USP6NL: variants seen among roughly 807,000 people sequenced by gnomAD.
The protein encoded by USP6NL is USP6 N-terminal like, also known as USP6 N-terminal-like protein.
A neutral mutation model predicts 61.9 loss-of-function variants in USP6NL; 26 were observed. The ratio of observed to expected loss-of-function variants is 0.42; its 90% confidence interval spans 0.31 to 0.58. The LOEUF (loss-of-function observed/expected upper bound fraction) is 0.58, where lower values mean the gene tolerates loss of function less well. USP6NL is among the 20% of genes least tolerant of loss of function. The pLI is 0.16. For synonymous variants in USP6NL, 432 were observed against 390.1 expected (o/e 1.11, Z -1.27); for missense variants, 1,114 against 1,034.3 (o/e 1.08, Z -1.06).
In USP6NL at chr10:11,525,564, G is replaced by C. The variant is rs1009369648; in HGVS notation, c.73-96C>G. On this transcript the variant is annotated intron_variant, in intron 3 of 14. Coordinates refer to ENST00000609104, the MANE Select transcript of USP6NL (RefSeq NM_014688.5). This position sits in a 1 kb window ranked among gnomAD's most constrained non-coding sequence, Gnocchi z 5.0. ...CGAAGAAATAAGAGCTATTTTTAAT[G>C]TATTACTAAAAATAAGAGCTGGAAG... 6.1e-5 allele frequency: 66 copies of C among 1,074,430 alleles called. 1 individual carries two copies. Among genetic ancestry groups the C allele is most frequent in the East Asian group, 3.6e-4 (12 of 33,622 alleles). The allele number at this position is 1,074,430 out of a possible 1,614,324, so 66.6% of individuals were successfully genotyped here.
chr10:11,582,708 A>T (rs1837821942), intron 2 of USP6NL, among the ~76,000 whole-genome samples: 1 of 152,184 alleles, frequency 6.6e-6, no homozygotes, highest in South Asian at 2.1e-4. Context: ...ATATTTTATC[A>T]AATGATAATT....
Position 11,470,413 on chromosome 10 carries a change from A to C in USP6NL, c.1079-6564T>G, listed in dbSNP as rs1395594275. 6.6e-6 allele frequency among the ~76,000 whole-genome samples: 1 copy of C among 152,230 alleles called. No homozygotes were observed. Among genetic ancestry groups the C allele is most frequent in the African/African-American group, 2.4e-5 (1 of 41,460 alleles). ...AGAGGAAAATCTCCTTGACTTCATT[A>C]CAGAGGCGGTTCCTTTCTAGAGATT... On this transcript the variant is annotated intron_variant, in intron 14 of 14. Coordinates refer to ENST00000609104, the MANE Select transcript of USP6NL (RefSeq NM_014688.5). This position sits in a 1 kb window ranked among gnomAD's most constrained non-coding sequence, Gnocchi z 5.4.
At chr10:11,586,118 G>C (rs1380253861) in intron 2 of USP6NL, among the ~76,000 whole-genome samples, 1 of 152,148 alleles carries the variant, frequency 6.6e-6, no homozygotes, top group African/African-American at 2.4e-5. Flanking sequence ...ATCCTGTCTA[G>C]AAATCAAATA....
Position 11,520,456 on chromosome 10 carries a change from G to A in USP6NL, c.156-1882C>T, listed in dbSNP as rs1258205705. On this transcript the variant is annotated intron_variant, in intron 4 of 14. Transcript: ENST00000609104. The surrounding 1 kb of genome is among the most constrained non-coding windows in gnomAD (Gnocchi z 5.2). ...TTCACACCCTTCCGAGGATGACACT[G>A]CTGCTGCTTACCAAGAGCTCCCTGT... Among the ~76,000 whole-genome samples, 1 of 152,200 alleles carries A rather than the reference G, an allele frequency of 6.6e-6. No individual in the cohort carries two copies. Among genetic ancestry groups the A allele is most frequent in the East Asian group, 1.9e-4 (1 of 5,200 alleles).
chr10:11,472,143 C>T (rs1385288027), intron 14 of USP6NL, among the ~76,000 whole-genome samples: 1 of 152,054 alleles, frequency 6.6e-6, no homozygotes, highest in Non-Finnish European at 1.5e-5. Flanking sequence ...ATCGCTTCAA[C>T]AAAAAGGAAT....
At chr10:11,473,406 T>C (rs1404631975) in intron 14 of USP6NL, among the ~76,000 whole-genome samples, 1 of 152,006 alleles carries the variant, frequency 6.6e-6, no homozygotes, top group African/African-American at 2.4e-5. Context: ...AAAACACAGG[T>C]GCAGGTGATC....
chr10:11,556,998 G>A (rs991172135), intron 2 of USP6NL, among the ~76,000 whole-genome samples: 3 of 152,102 alleles, frequency 2.0e-5, no homozygotes, highest in African/African-American at 4.8e-5. Context: ...CTTCGCTTTG[G>A]ATCACAGAGA....
In USP6NL at chr10:11,463,784, C is replaced by T. The variant is rs757614959; in HGVS notation, c.1144G>A (p.Val382Ile). 20 of 1,510,198 alleles carry T rather than the reference C, an allele frequency of 1.3e-5. No homozygotes were observed. Among genetic ancestry groups the T allele is most frequent in the South Asian group, 2.7e-5 (2 of 75,448 alleles). 93.5% of individuals were successfully genotyped at this position (1,510,198 alleles called of 1,614,324 possible). Residue 382 changes from valine (V) to isoleucine (I), a missense_variant, in exon 15 of 15, where the codon GTC (valine) becomes ATC (isoleucine). Transcript: ENST00000609104. This position sits in a 1 kb window ranked among gnomAD's most constrained non-coding sequence, Gnocchi z 6.3. ...CTCTGTCCGTTGCTCAAGTGATGGA[C>T]GCCCCAAGACTGAAGTTCAGGTGGA... ...QLPPELQSWG[V>I]HHLSNGQRSV...
At position 11,537,065 on chromosome 10, in the gene USP6NL, C is replaced by T. The variant is rs1316251511; in HGVS notation, c.5-9498G>A. ...CCAGATTTTCTCTTCAGAAGAGCCA[C>T]ACAAGTTCCATACATATCTTCATAT... On this transcript the variant is annotated intron_variant, in intron 2 of 14. Transcript: ENST00000609104. This position sits in a 1 kb window ranked among gnomAD's most constrained non-coding sequence, Gnocchi z 5.1. 6.6e-6 allele frequency among the ~76,000 whole-genome samples: 1 copy of T among 152,174 alleles called. No homozygotes were observed. The highest frequency in any genetic ancestry group is 1.5e-5 in the Non-Finnish European group (1 of 68,040).
intron 6 of USP6NL, 31 bp from the exon 7 acceptor site, chr10:11,501,239 C>A: frequency 6.4e-7 from 1 of 1,551,918 alleles, no homozygotes. Context: ...CTGAAGGTTA[C>A]AAACTGAAAA....
chr10:11,588,626 T>G (rs1461697150), intron 2 of USP6NL, among the ~76,000 whole-genome samples: 3 of 152,056 alleles, frequency 2.0e-5, no homozygotes, highest in African/African-American at 7.2e-5. Flanking sequence ...AAAAAAATAA[T>G]GAAGGAAAAC....
At chr10:11,539,723 A>G (rs1835975553) in intron 2 of USP6NL, among the ~76,000 whole-genome samples, 1 of 152,220 alleles carries the variant, frequency 6.6e-6, no homozygotes, top group Non-Finnish European at 1.5e-5. Context: ...CAGCAGTATG[A>G]TTGTTTTAAC....
At chr10:11,466,934 T>C (rs1196822837) in intron 14 of USP6NL, among the ~76,000 whole-genome samples, 1 of 152,244 alleles carries the variant, frequency 6.6e-6, no homozygotes, top group Non-Finnish European at 1.5e-5. Context: ...TGCAGTCCAC[T>C]GTTGACCGAA....
chr10:11,506,062 G>A (rs1186164567), intron 6 of USP6NL, among the ~76,000 whole-genome samples: 2 of 152,122 alleles, frequency 1.3e-5, no homozygotes, highest in Non-Finnish European at 2.9e-5. Flanking sequence ...ATAAAAGATG[G>A]TACAGTTAAA....
chr10:11,610,039 C>T (rs763546884), intron 1 of USP6NL, among the ~76,000 whole-genome samples: 4 of 152,138 alleles, frequency 2.6e-5, no homozygotes, highest in Non-Finnish European at 5.9e-5. Flanking sequence ...AAGGATGTTT[C>T]TTTGAGTGCC....
Position 11,596,881 on chromosome 10 carries a change from T to C in USP6NL, c.4+750A>G, listed in dbSNP as rs148701253. Among the ~76,000 whole-genome samples the C allele has an allele frequency of 5.3e-5, 8 of 152,250 alleles. No homozygotes were observed. The East Asian group carries it at 7.7e-4, about 15-fold the overall frequency. On this transcript the variant is annotated intron_variant, in intron 2 of 14. Coordinates refer to ENST00000609104, the MANE Select transcript of USP6NL (RefSeq NM_014688.5). This position sits in a 1 kb window ranked among gnomAD's most constrained non-coding sequence, Gnocchi z 4.1. ...TTCATATTAAGGTAAATATAATCAA[T>C]ACAAATACTATGTGAAAAACATTTA... is the stretch of plus-strand genomic sequence containing the variant.
chr10:11,566,206 G>A (rs988431854), intron 2 of USP6NL, among the ~76,000 whole-genome samples: 1 of 152,188 alleles, frequency 6.6e-6, no homozygotes, highest in African/African-American at 2.4e-5. Flanking sequence ...TTTTAAGCTA[G>A]AGTGTGTGGC....
intron 2 of USP6NL, among the ~76,000 whole-genome samples, chr10:11,593,729 T>C (rs1014768191): frequency 2.0e-5 from 3 of 152,124 alleles, no homozygotes; most frequent in Non-Finnish European, 4.4e-5. Flanking sequence ...GGAAAAACAT[T>C]ATAAAGCTTC....
Position 11,597,683 on chromosome 10 carries a change from T to C in USP6NL, c.-49A>G. 6.6e-7 allele frequency: 1 copy of C among 1,524,362 alleles called. No homozygotes were observed. 94.4% of individuals were successfully genotyped at this position (1,524,362 alleles called of 1,614,324 possible). ...GTCCCAATCAGATATTAAACCAAAATCTGCTGTCCAAGGTTTCTCAGAGGA... is the reference window on the plus strand; with the variant it reads ...GTCCCAATCAGATATTAAACCAAAACCTGCTGTCCAAGGTTTCTCAGAGGA... On this transcript the variant is annotated 5_prime_UTR_variant, in exon 2 of 15. Transcript: ENST00000609104. This position sits in a 1 kb window ranked among gnomAD's most constrained non-coding sequence, Gnocchi z 4.6.
Sources: allele counts gnomAD v4.1 joint callset (sites outside exome capture counted in the v4.1 genomes callset), GRCh38; gene constraint gnomAD v4.1.1; non-coding constraint Gnocchi (gnomAD v3.1); transcripts MANE v1.5; gene names NCBI Gene and HGNC (gene_info 2026-07-23, HGNC 2026-07-21).